Variants in CDHR2 observed in about 807,000 individuals in gnomAD.
CDHR2 encodes cadherin-related family member 2.
In CDHR2, 104 loss-of-function variants were observed where a neutral mutation model predicts 138.6. The ratio of observed to expected loss-of-function variants is 0.75; its 90% CI spans 0.64 to 0.88. CDHR2 has a LOEUF of 0.88. Ranked by LOEUF, CDHR2 falls within the 40% of genes least tolerant of loss-of-function variation. The probability of loss-of-function intolerance (pLI) is 0.00; values close to 1 mark genes in which losing one functional copy is unlikely to be tolerated. For synonymous variants in CDHR2, 755 were observed against 742.8 expected, an observed-to-expected ratio of 1.02 and a Z score of -0.27; for missense variants, 1,624 against 1,727.6, an observed-to-expected ratio of 0.94 and a Z score of 1.06.
chr5:176,589,559 G>C lies in CDHR2; in HGVS notation c.3149G>C (p.Arg1050Pro). Residue 1050 changes from arginine to proline, a missense_variant, in exon 24 of 32, where the codon CGG becomes CCG. Physicochemically the swap from Arg to Pro is moderately radical, Grantham distance 103 (BLOSUM62 -2). Around this residue, in one of 3 missense-constraint regions of CDHR2, gnomAD observed 556 missense variants for 565.7 expected, o/e 0.98. Transcript: ENST00000261944. The part of the protein sequence containing the change: ...LFTVDQSYRS[R>P]LQFSTPKEEV... Reference sequence around the variant, plus strand: ...ACCGTGGACCAGAGTTACCGCTCGCGGCTGCAGTTCTCCACACCGAAGGAG... The same window carrying C: ...ACCGTGGACCAGAGTTACCGCTCGCCGCTGCAGTTCTCCACACCGAAGGAG... 2.5e-6 allele frequency: 4 copies of C among 1,614,080 alleles called. No individual in the cohort carries two copies. The highest frequency in any genetic ancestry group is 3.4e-6 in the Non-Finnish European group (4 of 1,180,028).
chr5:176,575,838 C>CG lies in CDHR2; in HGVS notation c.960+1dup. 6.5e-7 allele frequency: 1 copy of CG among 1,547,608 alleles called. No homozygotes were observed. The highest frequency in any genetic ancestry group is 2.0e-5 in the Admixed American group (1 of 50,720). On this transcript the variant is annotated frameshift_variant and splice_region_variant, in exon 11 of 32. Transcript: ENST00000261944. LOFTEE classifies it high-confidence loss of function. Reference sequence around the variant, plus strand: ...GATGAGGAGGTGCAGCTGCAGGTCACGGTGAGCAAAGGCCCCACCACCCCT... The same window carrying CG: ...GATGAGGAGGTGCAGCTGCAGGTCACGGGTGAGCAAAGGCCCCACCACCCCT...
upstream of CDHR2, among the ~76,000 whole-genome samples, chr5:176,547,051 T>C (rs925852857): frequency 2.0e-5 from 3 of 151,622 alleles, no homozygotes; most frequent in African/African-American, 7.3e-5. Context: ...CAATCTTGGC[T>C]CACTGCAACC....
At chr5:176,555,437 C>A (rs1198414153) in intron 1 of CDHR2, among the ~76,000 whole-genome samples, 1 of 152,196 alleles carries the variant, frequency 6.6e-6, no homozygotes, top group African/African-American at 2.4e-5. Context: ...TGCTCATCTG[C>A]AAAATGAGTT....
Position 176,595,606 on chromosome 5 carries a change from A to G in CDHR2, c.3867A>G (p.Ala1289=). 1 of 1,612,918 alleles carries G rather than the reference A, an allele frequency of 6.2e-7. No homozygotes were observed. Residue 1289 remains alanine, a synonymous_variant, in exon 32 of 32, where the codon GCA becomes GCG. Transcript: ENST00000261944. ...PLSVVLLGRQ[A]GASGQLEGPS... is the part of the protein sequence containing the mutation. ...GCGTGGTCCTGTTAGGACGGCAGGC[A>G]GGCGCAAGTGGACAGCTGGAGGGGC...
At chr5:176,585,681 C>T (rs1581147703) in intron 19 of CDHR2, among the ~76,000 whole-genome samples, 1 of 152,206 alleles carries the variant, frequency 6.6e-6, no homozygotes, top group East Asian at 1.9e-4. Context: ...GATACTCCCA[C>T]CCACACAGGC....
chr5:176,575,763 G>C lies in CDHR2; in HGVS notation c.884G>C (p.Gly295Ala), dbSNP rs112479188. Reference sequence around the variant, plus strand: ...GGCTGGTTTGACATCGGGGCAGATGGGGTGATCAGGGTCAACGGCTCCCTG... The same window carrying C: ...GGCTGGTTTGACATCGGGGCAGATGCGGTGATCAGGGTCAACGGCTCCCTG... ...RPGWFDIGAD[G>A]VIRVNGSLDR... Residue 295 changes from glycine to alanine, a missense_variant, in exon 11 of 32, where the codon GGG (glycine) becomes GCG (alanine). Around this residue, in one of 3 missense-constraint regions of CDHR2, gnomAD observed 1,061 missense variants for 1,136.6 expected, o/e 0.93. Transcript: ENST00000261944. 7.1e-5 allele frequency: 111 copies of C among 1,567,532 alleles called. 2 individuals carry two copies. In the Middle Eastern group the frequency reaches 1.2e-3, roughly 16 times the overall value.
upstream of CDHR2, among the ~76,000 whole-genome samples, chr5:176,544,855 C>G (rs1035977948): frequency 6.6e-6 from 1 of 152,076 alleles, no homozygotes; most frequent in South Asian, 2.1e-4. Context: ...GTGCAACTTC[C>G]GGGGATGATT....
chr5:176,595,769 C>G lies in CDHR2; in HGVS notation c.*97C>G. Reference sequence around the variant, plus strand: ...ATGAAAATATATGACGCTGCCCTGCCTCCTGCTTTTGGCCAATCACGGCAG... The same window carrying G: ...ATGAAAATATATGACGCTGCCCTGCGTCCTGCTTTTGGCCAATCACGGCAG... On this transcript the variant is annotated 3_prime_UTR_variant, in exon 32 of 32. Transcript: ENST00000261944. 4 of 1,230,478 alleles carry G rather than the reference C, an allele frequency of 3.3e-6. No homozygotes were observed. In the East Asian group the frequency reaches 1.1e-4, roughly 34 times the overall value. The allele number at this position is 1,230,478 out of a possible 1,614,324, so 76.2% of individuals were successfully genotyped here.
chr5:176,590,302 T>G lies in CDHR2; in HGVS notation c.3325T>G (p.Ser1109Ala). 1 of 1,614,112 alleles carries G rather than the reference T, an allele frequency of 6.2e-7. No homozygotes were observed. Among genetic ancestry groups the G allele is most frequent in the Non-Finnish European group, 8.5e-7 (1 of 1,180,012 alleles). The change falls in exon 26 of 32, where the codon TCA (serine) becomes GCA (alanine). Residue 1109 changes from serine (S) to alanine (A), a missense_variant. Coordinates refer to ENST00000261944, the MANE Select transcript of CDHR2 (RefSeq NM_017675.6). ...LDAYFVFPNG[S>A]ALTLDELSVM... ...TGCCTACTTTGTCTTCCCCAATGGG[T>G]CAGCCCTGACCCTTGATGAGCTGAG...
At chr5:176,589,738 T>C (rs535634670) in intron 24 of CDHR2, 122 bp downstream of exon 24, 9 of 848,264 alleles carry the variant, frequency 1.1e-5, no homozygotes, top group African/African-American at 1.0e-4. Context: ...ACCTTGTCCC[T>C]GTCTTCAACC....
At chr5:176,557,583 T>TTTTA (rs1757863337) in intron 1 of CDHR2, among the ~76,000 whole-genome samples, 1 of 144,542 alleles carries the variant, frequency 6.9e-6, no homozygotes, top group African/African-American at 2.6e-5. Flanking sequence ...TTTTTTTTTT[T>TTTTA]GAGATAGGGT....
intron 21 of CDHR2, among the ~76,000 whole-genome samples, chr5:176,588,651 G>T (rs1207301763): frequency 6.6e-6 from 1 of 151,194 alleles, no homozygotes; most frequent in Non-Finnish European, 1.5e-5. Context: ...GTGTGAGTGG[G>T]ACAGTGTGTG....
rs2358747 is a variant in CDHR2 at position 176,578,476 on chromosome 5, C to T, written c.1686C>T (p.Asp562=). The T allele has an allele frequency of 0.75, 1,206,212 of 1,613,516 alleles. 453,922 individuals are homozygous for T. Among genetic ancestry groups the T allele is most frequent in the Non-Finnish European group, 0.77 (908,132 of 1,179,772 alleles). The change falls in exon 16 of 32, where the codon GAC becomes GAT. Residue 562 remains aspartate, a synonymous_variant. Transcript: ENST00000261944. ...AVYYLTLQAT[D]GGNLSSSTTL... The stretch of plus-strand genomic sequence containing the variant: ...ACTACCTGACGCTGCAGGCCACAGA[C>T]GGCGGGAACCTGTCCTCCTCCACCA...
intron 17 of CDHR2, among the ~76,000 whole-genome samples, chr5:176,582,564 G>A (rs1362465968): frequency 6.6e-6 from 1 of 152,140 alleles, no homozygotes; most frequent in Non-Finnish European, 1.5e-5. Flanking sequence ...TGAGAGGATT[G>A]CTTGAGCCCA....
chr5:176,595,228 C>T (rs1315378280), intron 31 of CDHR2, among the ~76,000 whole-genome samples: 1 of 152,156 alleles, frequency 6.6e-6, no homozygotes, highest in Non-Finnish European at 1.5e-5. Flanking sequence ...CTCCTCGGCA[C>T]AGGACACAGG....
intron 1 of CDHR2, among the ~76,000 whole-genome samples, chr5:176,554,898 C>A (rs1187380511): frequency 6.6e-6 from 1 of 152,194 alleles, no homozygotes; most frequent in East Asian, 1.9e-4. Context: ...AAGTGATCTG[C>A]CCGCCTTGGC....
At chr5:176,569,605 A>C in intron 5 of CDHR2, among the ~76,000 whole-genome samples, 1 of 152,124 alleles carries the variant, frequency 6.6e-6, no homozygotes, top group East Asian at 1.9e-4. Context: ...AATGTATATA[A>C]ATATTGATTA....
chr5:176,589,057 T>A lies in CDHR2; in HGVS notation c.2883T>A (p.Asn961Lys). ...CCAGAGACGATGATTCAGGGAACAA[T>A]GGCGTCATCCTGTTCTCCATCCTCC... ...VRARDDDSGN[N>K]GVILFSILRV... Residue 961 changes from asparagine (N) to lysine (K), a missense_variant, in exon 22 of 32, where the codon AAT becomes AAA. By Grantham distance (94) the Asn-to-Lys change is moderately conservative. Transcript: ENST00000261944. The A allele has an allele frequency of 2.5e-6, 4 of 1,614,092 alleles. No individual in the cohort carries two copies. In the East Asian group the frequency reaches 8.9e-5, roughly 36 times the overall value.
chr5:176,589,761 C>T, intron 24 of CDHR2, 145 bp downstream of exon 24: 1 of 739,098 alleles, frequency 1.4e-6, no homozygotes, highest in Non-Finnish European at 2.3e-6. Flanking sequence ...GTACTTTCAC[C>T]TGCACGACGT....
Sources: allele counts gnomAD v4.1 joint callset (sites outside exome capture counted in the v4.1 genomes callset), GRCh38; gene constraint gnomAD v4.1.1; regional missense constraint gnomAD v4.1.1; transcripts MANE v1.5; gene names NCBI Gene and HGNC (gene_info 2026-07-23, HGNC 2026-07-21).